Variants in GDAP2 observed in about 807,000 individuals in gnomAD.
The protein encoded by GDAP2 is ganglioside-induced differentiation-associated protein 2.
A neutral mutation model predicts 67.0 loss-of-function variants in GDAP2; 51 were observed. That is an observed-to-expected ratio of 0.76 (90% CI 0.61 to 0.96). The LOEUF (loss-of-function observed/expected upper bound fraction) is 0.96. Among genes scored for constraint, GDAP2 ranks in the 40% least tolerant of loss-of-function variants. The pLI is 0.00. For synonymous variants in GDAP2, 203 were observed against 207.3 expected (o/e 0.98, Z 0.18); for missense variants, 547 against 588.3 (o/e 0.93, Z 0.73).
rs1422293840 is a variant in GDAP2 at position 117,867,745 on chromosome 1, T to C, written c.*2824A>G. The C allele has an allele frequency of 6.6e-6, 1 of 151,518 alleles. No homozygotes were observed. Among genetic ancestry groups the C allele is most frequent in the African/African-American group, 2.4e-5 (1 of 41,248 alleles). 9.4% of individuals were successfully genotyped at this position (151,518 alleles called of 1,614,324 possible). ...AAAGGAAATATAAAGCATCCGCCAATGAAACATAATATACATTAAAGGAGA... is the reference window on the plus strand; with the variant it reads ...AAAGGAAATATAAAGCATCCGCCAACGAAACATAATATACATTAAAGGAGA... On this transcript the variant is annotated 3_prime_UTR_variant, in exon 14 of 14. Transcript: ENST00000369443.
intron 6 of GDAP2, among the ~76,000 whole-genome samples, chr1:117,902,962 T>C (rs1487205220): frequency 6.6e-6 from 1 of 152,246 alleles, no homozygotes; most frequent in African/African-American, 2.4e-5. Flanking sequence ...TAGTTTTAAA[T>C]GTACAAATCT....
chr1:117,900,539 G>A (rs1011677934), intron 6 of GDAP2, among the ~76,000 whole-genome samples: 4 of 152,108 alleles, frequency 2.6e-5, no homozygotes, highest in Non-Finnish European at 5.9e-5. Flanking sequence ...AGGCTGAGGT[G>A]GAGGTATCAC....
At chr1:117,911,597 T>C (rs1418336375) in intron 5 of GDAP2, among the ~76,000 whole-genome samples, 1 of 152,072 alleles carries the variant, frequency 6.6e-6, no homozygotes, top group African/African-American at 2.4e-5. Flanking sequence ...ATTAAAAAAA[T>C]TAATAGGCAA....
At chr1:117,886,529 T>C (rs948215557) in intron 10 of GDAP2, 48 bp downstream of exon 10, 1 of 1,000,180 alleles carries the variant, frequency 1.0e-6, no homozygotes, top group African/African-American at 1.6e-5. Context: ...ATACTACTTA[T>C]TTTTTCAATC....
intron 1 of GDAP2, among the ~76,000 whole-genome samples, chr1:117,922,884 G>A (rs961656566): frequency 3.9e-5 from 6 of 152,210 alleles, no homozygotes; most frequent in African/African-American, 7.2e-5. Context: ...GCCTGGGGGC[G>A]TTGCAGGAGA....
chr1:117,899,792 T>C (rs917047067), intron 6 of GDAP2, among the ~76,000 whole-genome samples: 1 of 152,238 alleles, frequency 6.6e-6, no homozygotes, highest in Non-Finnish European at 1.5e-5. Flanking sequence ...GTAGTGCTCT[T>C]ATTTGTCCTA....
chr1:117,903,515 A>G (rs1649553181), intron 6 of GDAP2, among the ~76,000 whole-genome samples: 1 of 152,160 alleles, frequency 6.6e-6, no homozygotes, highest in African/African-American at 2.4e-5. Context: ...TCTTTTCTAC[A>G]TCTATTCAGA....
intron 13 of GDAP2, among the ~76,000 whole-genome samples, chr1:117,872,879 A>G (rs1239174072): frequency 6.6e-6 from 1 of 152,198 alleles, no homozygotes; most frequent in Non-Finnish European, 1.5e-5. Flanking sequence ...AGAAATACCT[A>G]TAAAAATGTT....
At chr1:117,918,830 T>C (rs1650141854) in intron 2 of GDAP2, 94 bp from the exon 3 acceptor site, 2 of 1,080,394 alleles carry the variant, frequency 1.9e-6, no homozygotes. Flanking sequence ...CTTGTCTTTT[T>C]CAAAATGTTG....
At chr1:117,916,754 C>T (rs1160459910) in intron 3 of GDAP2, among the ~76,000 whole-genome samples, 2 of 152,158 alleles carry the variant, frequency 1.3e-5, no homozygotes, top group African/African-American at 4.8e-5. Flanking sequence ...GAATGGGAGG[C>T]TGGGCATGGT....
chr1:117,915,841 G>A (rs1318894600), intron 3 of GDAP2, among the ~76,000 whole-genome samples: 1 of 151,960 alleles, frequency 6.6e-6, no homozygotes, highest in Non-Finnish European at 1.5e-5. Flanking sequence ...ATTGACATAT[G>A]GTTTTATGTA....
At chr1:117,913,933 G>A (rs1300215085) in intron 3 of GDAP2, among the ~76,000 whole-genome samples, 2 of 152,112 alleles carry the variant, frequency 1.3e-5, no homozygotes, top group South Asian at 2.1e-4. Flanking sequence ...TCTCTGCCAC[G>A]TGAAAATACA....
intron 8 of GDAP2, among the ~76,000 whole-genome samples, chr1:117,893,292 T>C (rs1051403345): frequency 1.3e-5 from 2 of 152,190 alleles, no homozygotes; most frequent in African/African-American, 4.8e-5. Context: ...GGTTGCTTCC[T>C]AATTTTGGTA....
chr1:117,924,247 A>C (rs374316227), intron 1 of GDAP2, among the ~76,000 whole-genome samples: 1 of 152,122 alleles, frequency 6.6e-6, no homozygotes, highest in African/African-American at 2.4e-5. Flanking sequence ...TAAGCATAGT[A>C]CCTGATGGGT....
intron 6 of GDAP2, among the ~76,000 whole-genome samples, chr1:117,902,043 TCA>T (rs1649488818): frequency 1.3e-5 from 2 of 152,322 alleles, no homozygotes; most frequent in East Asian, 1.9e-4. Flanking sequence ...CAGGATTTCC[TCA>T]CACTCCTGCT....
intron 13 of GDAP2, among the ~76,000 whole-genome samples, chr1:117,873,333 C>CT (rs1377278009): frequency 6.6e-6 from 1 of 151,914 alleles, no homozygotes; most frequent in Admixed American, 6.6e-5. Flanking sequence ...TCAAAGGTCC[C>CT]TTTTAATCCT....
chr1:117,874,924 A>G (rs1648403225), intron 13 of GDAP2, among the ~76,000 whole-genome samples: 1 of 152,234 alleles, frequency 6.6e-6, no homozygotes. Context: ...ACCCTACGGT[A>G]TCTGCTGGAG....
At chr1:117,877,960 A>G (rs1316660822) in intron 13 of GDAP2, 49 bp downstream of exon 13, 2 of 1,604,846 alleles carry the variant, frequency 1.2e-6, no homozygotes, top group Non-Finnish European at 1.7e-6. Flanking sequence ...GCTCTATAGA[A>G]CAGTTAATAT....
chr1:117,867,844 T>C lies in GDAP2; in HGVS notation c.*2725A>G, dbSNP rs1648129809. 1 of 152,206 alleles carries C rather than the reference T, an allele frequency of 6.6e-6. No individual in the cohort carries two copies. Among genetic ancestry groups the C allele is most frequent in the South Asian group, 2.1e-4 (1 of 4,834 alleles). 9.4% of individuals were successfully genotyped at this position (152,206 alleles called of 1,614,324 possible). ...CTGAACCTTTTTTAAGAGGTAATTT[T>C]CACTATCAAGAAACTTGGATATAGA... On this transcript the variant is annotated 3_prime_UTR_variant, in exon 14 of 14. Coordinates refer to ENST00000369443, the MANE Select transcript of GDAP2 (RefSeq NM_017686.4).
Sources: gnomAD v4.1 joint callset for allele counts (sites outside exome capture counted in the v4.1 genomes callset) on GRCh38, gnomAD v4.1.1 for gene constraint, MANE v1.5 for transcripts, NCBI Gene and HGNC (gene_info 2026-07-23, HGNC 2026-07-21) for gene names.